Variants in NOS1AP observed in about 807,000 individuals in gnomAD.
NOS1AP encodes carboxyl-terminal PDZ ligand of neuronal nitric oxide synthase protein.
Under a neutral mutation model 56.2 loss-of-function variants are expected in NOS1AP, and 21 were observed. The ratio of observed to expected loss-of-function variants is 0.37; its 90% CI spans 0.26 to 0.54. NOS1AP has a LOEUF of 0.54. Ranked by LOEUF, NOS1AP falls within the 20% of genes least tolerant of loss-of-function variation. The pLI, the probability that NOS1AP is intolerant of heterozygous loss-of-function variation, is 0.84. For missense variants in NOS1AP, 522 were observed against 657.8 expected, an observed-to-expected ratio of 0.79 and a Z score of 2.26; for synonymous variants, 270 against 274.6, an observed-to-expected ratio of 0.98 and a Z score of 0.17.
intron 2 of NOS1AP, among the ~76,000 whole-genome samples, chr1:162,212,934 C>T (rs374284449): frequency 6.6e-6 from 1 of 152,180 alleles, no homozygotes; most frequent in African/African-American, 2.4e-5. Flanking sequence ...GACTGTTCCT[C>T]GAAAGCCTGT....
intron 2 of NOS1AP, among the ~76,000 whole-genome samples, chr1:162,277,734 A>G (rs564165496): frequency 6.6e-6 from 1 of 152,340 alleles, no homozygotes; most frequent in East Asian, 1.9e-4. Context: ...TTTTCAATGT[A>G]TAACACATTC....
chr1:162,276,406 G>A (rs1441357304), intron 2 of NOS1AP, among the ~76,000 whole-genome samples: 1 of 152,058 alleles, frequency 6.6e-6, no homozygotes, highest in African/African-American at 2.4e-5. Flanking sequence ...GGGAGACGCA[G>A]GGAATCAGGA....
intron 1 of NOS1AP, among the ~76,000 whole-genome samples, chr1:162,148,862 G>A (rs1193101777): frequency 1.3e-5 from 2 of 152,160 alleles, no homozygotes; most frequent in African/African-American, 4.8e-5. Context: ...TCAGGTAATG[G>A]CAGTGTAGAC....
intron 2 of NOS1AP, among the ~76,000 whole-genome samples, chr1:162,198,550 T>G (rs1280447635): frequency 6.6e-6 from 1 of 152,238 alleles, no homozygotes; most frequent in Non-Finnish European, 1.5e-5. Flanking sequence ...TATTGTTGCC[T>G]GACTCTGAGA....
At chr1:162,116,529 T>C (rs1042468770) in intron 1 of NOS1AP, among the ~76,000 whole-genome samples, 1 of 152,202 alleles carries the variant, frequency 6.6e-6, no homozygotes, top group African/African-American at 2.4e-5. Flanking sequence ...CTCCTAACTA[T>C]GGCTCAGACA....
chr1:162,343,924 T>C lies in NOS1AP; in HGVS notation c.543T>C (p.Asp181=), dbSNP rs1442157836. 3 of 1,613,960 alleles carry C rather than the reference T, an allele frequency of 1.9e-6. No homozygotes were observed. The highest frequency in any genetic ancestry group is 1.3e-5 in the African/African-American group (1 of 74,874). ...LSLQHTQQNA[D]GQEDGESERN... is the part of the protein sequence containing the mutation. The stretch of plus-strand genomic sequence containing the variant: ...TGCAGCACACGCAGCAGAATGCAGA[T>C]GGCCAGGAAGATGGAGAGAGCGAGA... Residue 181 remains aspartate, a synonymous_variant, in exon 6 of 10, where the codon GAT becomes GAC. Transcript: ENST00000361897.
At chr1:162,279,419 A>G (rs1654846220) in intron 2 of NOS1AP, among the ~76,000 whole-genome samples, 2 of 152,312 alleles carry the variant, frequency 1.3e-5, no homozygotes, top group East Asian at 1.9e-4. Context: ...GCCCTATGCC[A>G]TCATGCTGGT....
chr1:162,226,081 G>A (rs951253655), intron 2 of NOS1AP, among the ~76,000 whole-genome samples: 1 of 151,868 alleles, frequency 6.6e-6, no homozygotes, highest in Non-Finnish European at 1.5e-5. Context: ...ATCACCTGAG[G>A]TTGGGAGTTC....
At chr1:162,131,288 C>G (rs1648736733) in intron 1 of NOS1AP, among the ~76,000 whole-genome samples, 2 of 151,604 alleles carry the variant, frequency 1.3e-5, no homozygotes, top group African/African-American at 4.8e-5. Flanking sequence ...ATTAAATAAG[C>G]CTCTTTCCGT....
chr1:162,072,498 C>T (rs763313701), intron 1 of NOS1AP, among the ~76,000 whole-genome samples: 10 of 152,152 alleles, frequency 6.6e-5, no homozygotes, highest in Non-Finnish European at 1.5e-4. Flanking sequence ...GAGAGGGAGC[C>T]GCAGTTGGTT....
chr1:162,136,287 A>T (rs1162508219), intron 1 of NOS1AP, among the ~76,000 whole-genome samples: 1 of 152,100 alleles, frequency 6.6e-6, no homozygotes, highest in East Asian at 1.9e-4. Context: ...TTATTTATTT[A>T]TTTTTTAATG....
rs35637289 is a variant in NOS1AP at position 162,255,490 on chromosome 1, A to ATTTTTTTTTTTTTTTTTTTTTTTTT, written c.178-31843_178-31819dup. ...ATGCATAGGTTATTTGCTGCTGCTG[A>ATTTTTTTTTTTTTTTTTTTTTTTTT]TTTTTTTTTTTTTTTTTTTTTTTTT... On this transcript the variant is annotated intron_variant, in intron 2 of 9. Coordinates refer to ENST00000361897, the MANE Select transcript of NOS1AP (RefSeq NM_014697.3). Among the ~76,000 whole-genome samples, 15 of 60,994 alleles carry ATTTTTTTTTTTTTTTTTTTTTTTTT rather than the reference A, an allele frequency of 2.5e-4. 1 individual carries two copies. Among genetic ancestry groups the ATTTTTTTTTTTTTTTTTTTTTTTTT allele is most frequent in the South Asian group, 5.9e-4 (1 of 1,702 alleles). The allele number at this position is 60,994 out of a possible 152,430, so 40.0% of individuals were successfully genotyped here.
intron 2 of NOS1AP, among the ~76,000 whole-genome samples, chr1:162,231,837 T>TA (rs1277645899): frequency 2.2e-4 from 33 of 152,192 alleles, no homozygotes; most frequent in African/African-American, 7.7e-4. Context: ...TCTAAAAAGT[T>TA]ACGAAAATTT....
chr1:162,107,951 T>C (rs1297957264), intron 1 of NOS1AP, among the ~76,000 whole-genome samples: 1 of 140,878 alleles, frequency 7.1e-6, no homozygotes, highest in African/African-American at 2.6e-5. Context: ...ACATTGACAT[T>C]TGAACAATAA....
rs991726391 is a variant in NOS1AP, at chr1:162,165,682, G to A, written c.177+11206G>A. ...CTCAGAGATCCTACAAGAACATGCC[G>A]ACTGTCCCTGTTTAACCAAATGTCA... On this transcript the variant is annotated intron_variant, in intron 2 of 9. Transcript: ENST00000361897. 3.3e-5 allele frequency among the ~76,000 whole-genome samples: 5 copies of A among 152,124 alleles called. No individual in the cohort carries two copies. In the East Asian group the frequency reaches 7.7e-4, roughly 23 times the overall value.
At chr1:162,074,578 T>C (rs1691731183) in intron 1 of NOS1AP, among the ~76,000 whole-genome samples, 1 of 152,130 alleles carries the variant, frequency 6.6e-6, no homozygotes, top group Admixed American at 6.5e-5. Context: ...TTATCCCTGG[T>C]TCCCTGGCTT....
intron 1 of NOS1AP, among the ~76,000 whole-genome samples, chr1:162,143,267 C>A: frequency 6.6e-6 from 1 of 152,078 alleles, no homozygotes; most frequent in South Asian, 2.1e-4. Flanking sequence ...TCTGTTGAGA[C>A]TAATTTCTTG....
At chr1:162,239,364 A>G (rs1379533677) in intron 2 of NOS1AP, among the ~76,000 whole-genome samples, 4 of 152,334 alleles carry the variant, frequency 2.6e-5, no homozygotes, top group Non-Finnish European at 1.5e-5. Flanking sequence ...GTGAATTCCT[A>G]AAATTCAGTG....
At chr1:162,177,126 G>A (rs538196108) in intron 2 of NOS1AP, among the ~76,000 whole-genome samples, 1 of 152,298 alleles carries the variant, frequency 6.6e-6, no homozygotes, top group African/African-American at 2.4e-5. Context: ...TAAGTGGTAA[G>A]CATTGACCAC....
Sources: allele counts gnomAD v4.1 joint callset (sites outside exome capture counted in the v4.1 genomes callset), GRCh38; gene constraint gnomAD v4.1.1; transcripts MANE v1.5; gene names NCBI Gene and HGNC (gene_info 2026-07-23, HGNC 2026-07-21).